Variants in PAWR observed in about 807,000 individuals in gnomAD.
PAWR encodes the protein PRKC apoptosis WT1 regulator protein.
PAWR carries 23 observed loss-of-function variants against 32.0 expected under a neutral mutation model. The observed-to-expected ratio is 0.72, with a 90% CI of 0.52 to 1.02. The LOEUF is 1.02. Ranked by LOEUF, PAWR falls within the 50% of genes least tolerant of loss-of-function variation. The pLI, the probability that PAWR is intolerant of heterozygous loss-of-function variation, is 0.00. For synonymous variants in PAWR, 226 were observed against 187.1 expected (o/e 1.21, Z -1.70); for missense variants, 457 against 437.7 (o/e 1.04, Z -0.39).
intron 2 of PAWR, among the ~76,000 whole-genome samples, chr12:79,651,973 T>C (rs1347146937): frequency 2.0e-5 from 3 of 152,206 alleles, no homozygotes; most frequent in Non-Finnish European, 4.4e-5. Flanking sequence ...GAAGACATTA[T>C]GCTAGAGGAA....
At chr12:79,605,941 G>A (rs1415240198) in intron 4 of PAWR, among the ~76,000 whole-genome samples, 1 of 152,090 alleles carries the variant, frequency 6.6e-6, no homozygotes, top group African/African-American at 2.4e-5. Context: ...GGGTGGGGTG[G>A]TGCATACCTG....
chr12:79,644,478 A>G (rs989833917), intron 2 of PAWR, among the ~76,000 whole-genome samples: 4 of 152,174 alleles, frequency 2.6e-5, no homozygotes, highest in Non-Finnish European at 4.4e-5. Context: ...GAAGATTTAA[A>G]TAGGACACTA....
chr12:79,658,474 T>A (rs938400160), intron 2 of PAWR, among the ~76,000 whole-genome samples: 2 of 152,086 alleles, frequency 1.3e-5, no homozygotes, highest in African/African-American at 4.8e-5. Flanking sequence ...GAAAAAAGAT[T>A]TTTTTGCCTT....
chr12:79,632,320 T>TATAC (rs1555236646), intron 2 of PAWR, among the ~76,000 whole-genome samples: 360 of 27,810 alleles, frequency 0.013, 23 homozygotes, highest in African/African-American at 0.022. Flanking sequence ...TACATATATA[T>TATAC]ATATATATAT....
In PAWR at chr12:79,585,604, C is replaced by A. The variant is rs1248137874; in HGVS notation, c.*7003G>T. Reference sequence around the variant, plus strand: ...ATATAAAGCACCTAACACAGCCTGGCACATACGGCTACTGAATTACTAATG... The same window carrying A: ...ATATAAAGCACCTAACACAGCCTGGAACATACGGCTACTGAATTACTAATG... On this transcript the variant is annotated 3_prime_UTR_variant, in exon 7 of 7. Coordinates refer to ENST00000328827, the MANE Select transcript of PAWR (RefSeq NM_002583.4). The A allele has an allele frequency of 6.6e-6, 1 of 152,570 alleles. No homozygotes were observed. The highest frequency in any genetic ancestry group is 2.1e-4 in the South Asian group (1 of 4,842). 9.5% of individuals were successfully genotyped at this position (152,570 alleles called of 1,614,324 possible).
intron 2 of PAWR, among the ~76,000 whole-genome samples, chr12:79,672,453 C>G (rs1877950426): frequency 6.6e-6 from 1 of 152,106 alleles, no homozygotes; most frequent in Non-Finnish European, 1.5e-5. Flanking sequence ...TCCGATTCTC[C>G]TACCTAGAAC....
At chr12:79,605,591 A>G (rs1233169669) in intron 4 of PAWR, among the ~76,000 whole-genome samples, 6 of 152,136 alleles carry the variant, frequency 3.9e-5, no homozygotes. Flanking sequence ...TAGGGGTCAC[A>G]CAAAAACTTG....
rs753100605 is a variant in PAWR, at chr12:79,585,184, A to C, written c.*7423T>G. ...AACAAAACAAAAACAAACAAAAAAC[A>C]AGTTCATGTTATTTCTACAATGTCC... On this transcript the variant is annotated 3_prime_UTR_variant, in exon 7 of 7. Transcript: ENST00000328827. 2.2e-6 allele frequency: 1 copy of C among 452,076 alleles called. No individual in the cohort carries two copies. Among genetic ancestry groups the C allele is most frequent in the Non-Finnish European group, 4.4e-6 (1 of 225,730 alleles). 28.0% of individuals were successfully genotyped at this position (452,076 alleles called of 1,614,324 possible). A position where few individuals can be genotyped will look rare whatever the true frequency, so the allele number is the denominator to read the frequency against.
rs895469772 is a variant in PAWR, at chr12:79,690,328, C to T, written c.-84G>A. ...TGCCTCCTCTTCCTTCCTGCGGCCC[C>T]GAGGATGCCAGGAGACGACCTCCAG... On this transcript the variant is annotated 5_prime_UTR_variant, in exon 2 of 7. Transcript: ENST00000328827. The T allele has an allele frequency of 7.4e-7, 1 of 1,358,856 alleles. No individual in the cohort carries two copies. The highest frequency in any genetic ancestry group is 3.6e-5 in the Admixed American group (1 of 27,634). The allele number at this position is 1,358,856 out of a possible 1,614,324, so 84.2% of individuals were successfully genotyped here. A position where few individuals can be genotyped will look rare whatever the true frequency, so the allele number is the denominator to read the frequency against.
chr12:79,612,570 A>G (rs543222542), intron 4 of PAWR, among the ~76,000 whole-genome samples: 55 of 152,258 alleles, frequency 3.6e-4, no homozygotes, highest in African/African-American at 1.3e-3. Flanking sequence ...TAGGTTTATA[A>G]CCCCAGAAAA....
intron 4 of PAWR, among the ~76,000 whole-genome samples, chr12:79,609,378 G>A (rs1279372549): frequency 6.6e-6 from 1 of 152,150 alleles, no homozygotes; most frequent in Non-Finnish European, 1.5e-5. Context: ...ATAGGGACAG[G>A]AGGCAGGAAA....
chr12:79,611,979 A>C (rs1046938794), intron 4 of PAWR, among the ~76,000 whole-genome samples: 1 of 152,168 alleles, frequency 6.6e-6, no homozygotes, highest in African/African-American at 2.4e-5. Context: ...ATTACTTGAT[A>C]AGAACTAAAT....
At position 79,643,289 on chromosome 12, in the gene PAWR, G is replaced by T. The variant is rs1371202958; in HGVS notation, c.517-22082C>A. On this transcript the variant is annotated intron_variant, in intron 2 of 6. Transcript: ENST00000328827. ...GTACCCTTAACTTTTATTTGCTTTA[G>T]TCTGGCACCCTGCAGATTATATGAA... 2.6e-5 allele frequency among the ~76,000 whole-genome samples: 4 copies of T among 152,076 alleles called. No individual in the cohort carries two copies. In the East Asian group the frequency reaches 5.8e-4, roughly 22 times the overall value.
intron 4 of PAWR, 107 bp from the exon 5 acceptor site, chr12:79,596,765 G>T (rs1202804457): frequency 9.8e-6 from 6 of 612,732 alleles, no homozygotes; most frequent in Non-Finnish European, 1.6e-5. Flanking sequence ...AAGGACATAT[G>T]GTTATAGTAG....
chr12:79,665,728 G>T (rs1305908069), intron 2 of PAWR, among the ~76,000 whole-genome samples: 1 of 152,042 alleles, frequency 6.6e-6, no homozygotes, highest in Non-Finnish European at 1.5e-5. Context: ...TAGTCTCTGG[G>T]TTGTATCATT....
chr12:79,648,402 T>C (rs538831196), intron 2 of PAWR, among the ~76,000 whole-genome samples: 2 of 152,182 alleles, frequency 1.3e-5, no homozygotes, highest in East Asian at 1.9e-4. Flanking sequence ...AGTGGCCACA[T>C]TTCCACTTTT....
At chr12:79,661,452 A>G (rs7134813) in intron 2 of PAWR, among the ~76,000 whole-genome samples, 34,516 of 152,066 alleles carry the variant, frequency 0.23, 10,572 homozygotes, top group African/African-American at 0.7. Flanking sequence ...AAATATCTCC[A>G]GAAGGATACT....
intron 2 of PAWR, among the ~76,000 whole-genome samples, chr12:79,650,125 T>C (rs951285463): frequency 6.6e-6 from 1 of 152,178 alleles, no homozygotes; most frequent in Non-Finnish European, 1.5e-5. Context: ...GCCCAGGGTT[T>C]GAGAACCCCT....
At chr12:79,604,617 T>C (rs1874095533) in intron 4 of PAWR, 1 of 1,282,994 alleles carries the variant, frequency 7.8e-7, no homozygotes, top group African/African-American at 1.5e-5. Flanking sequence ...ACTACTTAAC[T>C]GGCTTCCATC....
Sources: allele counts gnomAD v4.1 joint callset (sites outside exome capture counted in the v4.1 genomes callset), GRCh38; gene constraint gnomAD v4.1.1; transcripts MANE v1.5; gene names NCBI Gene and HGNC (gene_info 2026-07-23, HGNC 2026-07-21).